Variants in NXPE2 observed in about 807,000 individuals in gnomAD.
NXPE2 encodes the protein neurexophilin and PC-esterase domain family member 2.
A neutral mutation model predicts 34.4 loss-of-function variants in NXPE2; 34 were observed. The observed-to-expected ratio is 0.99, with a 90% CI of 0.75 to 1.31. NXPE2 has a LOEUF of 1.31. NXPE2 is among the 40% of genes most tolerant of loss of function. The pLI is 0.00. For synonymous variants in NXPE2, 235 were observed against 231.3 expected (o/e 1.02, Z -0.15); for missense variants, 649 against 672.5 (o/e 0.97, Z 0.39).
chr11:114,653,112 C>A, the NXPE2 span, among the ~76,000 whole-genome samples: 1 of 152,044 alleles, frequency 6.6e-6, no homozygotes, highest in East Asian at 1.9e-4. Context: ...CAAGGGTTTT[C>A]TAAGAAGCAT....
At chr11:114,739,279 T>TTTTC in the NXPE2 span, among the ~76,000 whole-genome samples, 1 of 145,478 alleles carries the variant, frequency 6.9e-6, no homozygotes, top group South Asian at 2.2e-4. Context: ...ATTGCCATTA[T>TTTTC]TTTCCTTCCT....
chr11:114,651,545 A>G, the NXPE2 span, among the ~76,000 whole-genome samples: 1 of 152,306 alleles, frequency 6.6e-6, no homozygotes, highest in South Asian at 2.1e-4. Flanking sequence ...AAAGATTGCC[A>G]CTGCTGGCTT....
chr11:114,679,603 C>A, intron 1 of NXPE2, 54 bp from the exon 2 acceptor site: 1 of 1,106,222 alleles, frequency 9.0e-7, no homozygotes, highest in Non-Finnish European at 1.3e-6. Context: ...GTGTACGGAG[C>A]CATGTCGTAC....
the NXPE2 span, among the ~76,000 whole-genome samples, chr11:114,626,684 T>G: frequency 6.6e-6 from 1 of 152,054 alleles, no homozygotes; most frequent in Admixed American, 6.6e-5. Context: ...ATGACTTTGA[T>G]GAGCTGAGAG....
chr11:114,663,121 A>G, the NXPE2 span, among the ~76,000 whole-genome samples: 1 of 152,158 alleles, frequency 6.6e-6, no homozygotes, highest in South Asian at 2.1e-4. Context: ...GGCTGACTGA[A>G]GAGCCCTTGG....
At chr11:114,639,171 G>A in the NXPE2 span, among the ~76,000 whole-genome samples, 8 of 152,080 alleles carry the variant, frequency 5.3e-5, no homozygotes, top group African/African-American at 1.9e-4. Flanking sequence ...CTGGGCAATG[G>A]TGGGCACCCC....
chr11:114,525,137 C>T, the NXPE2 span, among the ~76,000 whole-genome samples: 1 of 151,870 alleles, frequency 6.6e-6, no homozygotes, highest in South Asian at 2.1e-4. Context: ...CTTGTCTCAA[C>T]AATGGAGACA....
At chr11:114,573,727 A>G in the NXPE2 span, among the ~76,000 whole-genome samples, 1 of 152,024 alleles carries the variant, frequency 6.6e-6, no homozygotes, top group Non-Finnish European at 1.5e-5. Flanking sequence ...CATTACTAAT[A>G]GACCAAAAAA....
At chr11:114,707,675 C>A, downstream of NXPE2, 1 of 164,266 alleles carries the variant, frequency 6.1e-6, no homozygotes, top group Non-Finnish European at 1.4e-5. Context: ...AACTTGGTAC[C>A]TATTAAACAA....
the NXPE2 span, among the ~76,000 whole-genome samples, chr11:114,737,082 T>G: frequency 6.6e-6 from 1 of 152,232 alleles, no homozygotes; most frequent in East Asian, 1.9e-4. Flanking sequence ...GTAAAACTTG[T>G]TTCTTCCTTT....
chr11:114,787,938 A>G, the NXPE2 span, among the ~76,000 whole-genome samples: 1 of 152,042 alleles, frequency 6.6e-6, no homozygotes. Context: ...CTCCTGCATC[A>G]GTGACTTTCC....
At chr11:114,625,579 G>C in the NXPE2 span, among the ~76,000 whole-genome samples, 1 of 152,166 alleles carries the variant, frequency 6.6e-6, no homozygotes, top group Non-Finnish European at 1.5e-5. Context: ...ATTGCCTCGT[G>C]GGTAACCACT....
At chr11:114,700,177 A>G (rs1162751329) in intron 3 of NXPE2, among the ~76,000 whole-genome samples, 1 of 152,210 alleles carries the variant, frequency 6.6e-6, no homozygotes, top group Non-Finnish European at 1.5e-5. Context: ...CTAGTGGGAT[A>G]GAAGGACAAA....
chr11:114,483,929 C>T, the NXPE2 span, among the ~76,000 whole-genome samples: 1 of 152,196 alleles, frequency 6.6e-6, no homozygotes, highest in African/African-American at 2.4e-5. Context: ...TGATGTGCAA[C>T]TCATGCTACC....
chr11:114,491,314 C>T, the NXPE2 span, among the ~76,000 whole-genome samples: 1 of 151,772 alleles, frequency 6.6e-6, no homozygotes. Flanking sequence ...AACAAATTTA[C>T]AAGAAAAAAA....
the NXPE2 span, among the ~76,000 whole-genome samples, chr11:114,545,348 T>C: frequency 1.3e-5 from 2 of 152,148 alleles, no homozygotes; most frequent in Non-Finnish European, 2.9e-5. Context: ...GATAAACAAA[T>C]TGTAGTACAT....
chr11:114,644,628 G>T, the NXPE2 span, among the ~76,000 whole-genome samples: 2 of 151,998 alleles, frequency 1.3e-5, no homozygotes, highest in Admixed American at 6.6e-5. Context: ...ATGAAAGAAG[G>T]CATGAATAAA....
downstream of NXPE2, among the ~76,000 whole-genome samples, chr11:114,711,826 C>G (rs182683418): frequency 6.6e-6 from 1 of 152,184 alleles, no homozygotes; most frequent in Admixed American, 6.5e-5. Context: ...AGTTGTAGGC[C>G]TCACACTCCT....
the NXPE2 span, among the ~76,000 whole-genome samples, chr11:114,625,073 G>A: frequency 4.6e-5 from 7 of 151,824 alleles, no homozygotes; most frequent in East Asian, 1.9e-4. Context: ...ATATTGCCCC[G>A]TGGGTAACCA....
Sources: gnomAD v4.1 joint callset for allele counts (sites outside exome capture counted in the v4.1 genomes callset) on GRCh38, gnomAD v4.1.1 for gene constraint, MANE v1.5 for transcripts, NCBI Gene and HGNC (gene_info 2026-07-23, HGNC 2026-07-21) for gene names.